The following SATB2 variants were observed in gnomAD, a reference collection of about 807,000 sequenced individuals.
SATB2 encodes the protein SATB homeobox 2, also known as DNA-binding protein SATB2.
A neutral mutation model predicts 73.4 loss-of-function variants in SATB2; 1 was observed. The observed-to-expected ratio is 0.01, with a 90% CI of 0.00 to 0.06. The LOEUF is 0.06. Ranked by LOEUF, SATB2 falls within the 10% of genes least tolerant of loss-of-function variation. The pLI, the probability that SATB2 is intolerant of heterozygous loss-of-function variation, is 1.00. For synonymous variants in SATB2, 397 were observed against 367.0 expected (o/e 1.08, Z -0.93); for missense variants, 459 against 945.8 (o/e 0.49, Z 6.75).
intron 5 of SATB2, among the ~76,000 whole-genome samples, chr2:199,379,740 C>A (rs2105864939): frequency 7.1e-6 from 1 of 140,554 alleles, no homozygotes; most frequent in South Asian, 2.2e-4. Flanking sequence ...GTTGCCCAGG[C>A]TGGTCTCGAA....
chr2:199,320,730 C>T (rs552174862), intron 9 of SATB2, among the ~76,000 whole-genome samples: 5 of 152,236 alleles, frequency 3.3e-5, no homozygotes, highest in Admixed American at 6.5e-5. Context: ...TAAACACTTA[C>T]AGCCCTCGAG....
chr2:199,460,965 T>G (rs933510505), upstream of SATB2, among the ~76,000 whole-genome samples: 1 of 152,236 alleles, frequency 6.6e-6, no homozygotes, highest in Non-Finnish European at 1.5e-5. The surrounding 1 kb of genome is among the most constrained non-coding windows in gnomAD (Gnocchi z 4.0). Context: ...ATTGCTTTTC[T>G]CTTTACTGGA....
intron 5 of SATB2, among the ~76,000 whole-genome samples, chr2:199,374,384 A>G (rs1689536471): frequency 6.6e-6 from 1 of 152,214 alleles, no homozygotes; most frequent in South Asian, 2.1e-4. Flanking sequence ...TACAGAATAG[A>G]GGCTACCAGG....
intron 3 of SATB2, chr2:199,423,841 T>C (rs1305873673): frequency 6.6e-6 from 1 of 152,126 alleles, no homozygotes; most frequent in Admixed American, 6.6e-5. Context: ...AGCCAAATCA[T>C]TGAAGGCCAA....
chr2:199,446,965 A>G (rs1420005833), intron 2 of SATB2, among the ~76,000 whole-genome samples: 1 of 152,162 alleles, frequency 6.6e-6, no homozygotes, highest in African/African-American at 2.4e-5. Flanking sequence ...CTGTCAACTG[A>G]GTAAAACCTG....
At chr2:199,312,551 A>G (rs1687624199) in intron 9 of SATB2, among the ~76,000 whole-genome samples, 1 of 152,156 alleles carries the variant, frequency 6.6e-6, no homozygotes, top group Non-Finnish European at 1.5e-5. Flanking sequence ...CCTTTGGGCA[A>G]ATAGTTACAC....
chr2:199,428,466 CTG>C (rs1214080764), intron 3 of SATB2, among the ~76,000 whole-genome samples: 4 of 152,190 alleles, frequency 2.6e-5, no homozygotes, highest in Non-Finnish European at 5.9e-5. Flanking sequence ...GGCAATCAAA[CTG>C]TTCACAGGAC....
At chr2:199,433,911 A>ATATTACTTTTACGTGTAAAAG (rs1483740398) in intron 2 of SATB2, among the ~76,000 whole-genome samples, 1 of 152,042 alleles carries the variant, frequency 6.6e-6, no homozygotes, top group Non-Finnish European at 1.5e-5. Flanking sequence ...TGTAATAAAT[A>ATATTACTTTTACGTGTAAAAG]TATTACTTTT....
chr2:199,378,677 C>T (rs1429850721), intron 5 of SATB2, among the ~76,000 whole-genome samples: 2 of 151,870 alleles, frequency 1.3e-5, no homozygotes, highest in Non-Finnish European at 2.9e-5. Flanking sequence ...CCCTCAAAGG[C>T]ACACACACAC....
At chr2:199,326,142 G>C (rs182202753) in intron 8 of SATB2, 17 of 152,164 alleles carry the variant, frequency 1.1e-4, no homozygotes, top group Admixed American at 2.0e-4. Flanking sequence ...AATCTGTACT[G>C]TACTACGATC....
chr2:199,455,793 A>G lies in SATB2; in HGVS notation c.169+76T>C. On this transcript the variant is annotated intron_variant, in intron 2 of 10. Coordinates refer to ENST00000417098, the MANE Select transcript of SATB2 (RefSeq NM_001172509.2). This position sits in a 1 kb window ranked among gnomAD's most constrained non-coding sequence, Gnocchi z 4.1. ...GTAATCCTACACCGCGACAGCGCCT[A>G]ATCAACCTGAACCCTGACACCCGGG... 2.0e-6 allele frequency: 3 copies of G among 1,480,998 alleles called. No individual in the cohort carries two copies. Among genetic ancestry groups the G allele is most frequent in the South Asian group, 2.4e-5 (2 of 82,796 alleles). 91.7% of individuals were successfully genotyped at this position (1,480,998 alleles called of 1,614,324 possible).
chr2:199,458,582 G>T (rs771090243), upstream of SATB2: 62 of 428,398 alleles, frequency 1.4e-4, no homozygotes, highest in Admixed American at 2.0e-4. Flanking sequence ...GCCCCTAGGC[G>T]CACTCGTCCC....
chr2:199,411,803 G>A (rs1402245985), intron 3 of SATB2, among the ~76,000 whole-genome samples: 1 of 152,202 alleles, frequency 6.6e-6, no homozygotes, highest in African/African-American at 2.4e-5. Context: ...AACCCACTGT[G>A]TTAACAACTG....
intron 10 of SATB2, among the ~76,000 whole-genome samples, chr2:199,278,380 T>G (rs1692382464): frequency 6.6e-6 from 1 of 152,220 alleles, no homozygotes; most frequent in South Asian, 2.1e-4. Context: ...AAACGTTCAC[T>G]CAGTCACATC....
upstream of SATB2, among the ~76,000 whole-genome samples, chr2:199,459,448 C>T (rs1692411207): frequency 6.6e-6 from 1 of 152,296 alleles, no homozygotes; most frequent in South Asian, 2.1e-4. This position sits in a 1 kb window ranked among gnomAD's most constrained non-coding sequence, Gnocchi z 4.2. Context: ...CGCGCTGCCT[C>T]CTTAAGGAAA....
intron 7 of SATB2, among the ~76,000 whole-genome samples, chr2:199,329,775 C>T (rs944309122): frequency 6.6e-6 from 1 of 152,132 alleles, no homozygotes; most frequent in African/African-American, 2.4e-5. Flanking sequence ...AAGGAAAATG[C>T]TGCCAAGTCT....
chr2:199,321,310 C>T (rs1325726730), intron 9 of SATB2, among the ~76,000 whole-genome samples: 1 of 151,002 alleles, frequency 6.6e-6, no homozygotes, highest in Non-Finnish European at 1.5e-5. Flanking sequence ...CATATATATA[C>T]ACGTCTATGT....
At chr2:199,424,879 A>G (rs1207911640) in intron 3 of SATB2, among the ~76,000 whole-genome samples, 1 of 152,250 alleles carries the variant, frequency 6.6e-6, no homozygotes. Context: ...GGACAAGTTT[A>G]AATGTAAAGA....
At chr2:199,291,191 T>C (rs1286156403) in intron 10 of SATB2, among the ~76,000 whole-genome samples, 1 of 152,132 alleles carries the variant, frequency 6.6e-6, no homozygotes, top group African/African-American at 2.4e-5. Context: ...GTAACAAAAT[T>C]AATTCAATGT....
Sources: gnomAD v4.1 joint callset for allele counts (sites outside exome capture counted in the v4.1 genomes callset) on GRCh38, gnomAD v4.1.1 for gene constraint, Gnocchi (gnomAD v3.1) non-coding constraint, MANE v1.5 for transcripts, NCBI Gene and HGNC (gene_info 2026-07-23, HGNC 2026-07-21) for gene names.